The following PDE4B variants were observed in gnomAD, a reference collection of about 807,000 sequenced individuals.
The protein encoded by PDE4B is 3',5'-cyclic-AMP phosphodiesterase 4B.
Under a neutral mutation model 82.2 loss-of-function variants are expected in PDE4B, and 20 were observed. That is an observed-to-expected ratio of 0.24 (90% confidence interval 0.17 to 0.35). The LOEUF (loss-of-function observed/expected upper bound fraction) is 0.35, where lower values mean the gene tolerates loss of function less well. PDE4B is among the 10% of genes least tolerant of loss of function. The pLI, the probability that PDE4B is intolerant of heterozygous loss-of-function variation, is 1.00. For missense variants in PDE4B, 655 were observed against 907.2 expected, an observed-to-expected ratio of 0.72 and a Z score of 3.57; for synonymous variants, 320 against 318.9, an observed-to-expected ratio of 1.00 and a Z score of -0.04.
chr1:65,958,861 A>T (rs1649403651), intron 3 of PDE4B, among the ~76,000 whole-genome samples: 1 of 152,134 alleles, frequency 6.6e-6, no homozygotes, highest in South Asian at 2.1e-4. Flanking sequence ...GCAGTTTTGT[A>T]TCTGTAGTTA....
At chr1:66,359,861 A>G (rs1662609968) in intron 9 of PDE4B, among the ~76,000 whole-genome samples, 1 of 152,230 alleles carries the variant, frequency 6.6e-6, no homozygotes, top group South Asian at 2.1e-4. Context: ...CAGGAAAAAG[A>G]TTTTTGACAG....
At chr1:66,263,380 A>G (rs1165952636) in intron 6 of PDE4B, among the ~76,000 whole-genome samples, 1 of 152,254 alleles carries the variant, frequency 6.6e-6, no homozygotes, top group Admixed American at 6.5e-5. Context: ...GCAACAAAAG[A>G]GAGTGCTGTG....
chr1:66,067,565 T>C (rs1454604888), intron 3 of PDE4B, among the ~76,000 whole-genome samples: 2 of 152,104 alleles, frequency 1.3e-5, no homozygotes, highest in African/African-American at 4.8e-5. Context: ...TTTGTTTGAG[T>C]TCATTGTAGA....
intron 1 of PDE4B, among the ~76,000 whole-genome samples, chr1:65,798,382 C>T (rs1195564222): frequency 1.1e-5 from 1 of 87,756 alleles, no homozygotes; most frequent in Non-Finnish European, 1.9e-5. Context: ...CCTCAGCCTC[C>T]CGAGTAGCTG....
chr1:65,874,485 T>C (rs1646614641), intron 1 of PDE4B, among the ~76,000 whole-genome samples: 1 of 152,168 alleles, frequency 6.6e-6, no homozygotes, highest in Admixed American at 6.5e-5. Flanking sequence ...AGGGCATCCC[T>C]GTCTTGTGCC....
At chr1:66,236,660 T>C (rs1652483188) in intron 3 of PDE4B, among the ~76,000 whole-genome samples, 1 of 152,130 alleles carries the variant, frequency 6.6e-6, no homozygotes, top group Non-Finnish European at 1.5e-5. Flanking sequence ...TCATGCAAAA[T>C]ACAAAACGAT....
intron 3 of PDE4B, among the ~76,000 whole-genome samples, chr1:66,097,738 A>T (rs1177172470): frequency 6.6e-6 from 1 of 151,838 alleles, no homozygotes; most frequent in African/African-American, 2.4e-5. Context: ...CTTGTCTACA[A>T]ATTCTATTAT....
At chr1:66,235,735 G>A (rs1652357842) in intron 3 of PDE4B, among the ~76,000 whole-genome samples, 1 of 152,020 alleles carries the variant, frequency 6.6e-6, no homozygotes, top group African/African-American at 2.4e-5. Flanking sequence ...CTACCATGTT[G>A]CTATTTGTTT....
At chr1:66,243,675 G>T (rs572306143) in intron 3 of PDE4B, among the ~76,000 whole-genome samples, 151 of 152,254 alleles carry the variant, frequency 9.9e-4, no homozygotes, top group African/African-American at 3.4e-3. Flanking sequence ...GTTATGGGAA[G>T]CACCACTTCT....
chr1:65,835,268 G>C (rs1328320528), intron 1 of PDE4B, among the ~76,000 whole-genome samples: 1 of 152,100 alleles, frequency 6.6e-6, no homozygotes, highest in African/African-American at 2.4e-5. Context: ...TCTTCAGTTT[G>C]TGTATAGAAA....
At chr1:66,326,304 A>G (rs537444303) in intron 7 of PDE4B, among the ~76,000 whole-genome samples, 1 of 152,314 alleles carries the variant, frequency 6.6e-6, no homozygotes. Context: ...TAAAGTGAAC[A>G]TACCTATGTA....
At chr1:66,159,604 G>T (rs1646569873) in intron 3 of PDE4B, among the ~76,000 whole-genome samples, 1 of 152,134 alleles carries the variant, frequency 6.6e-6, no homozygotes, top group Non-Finnish European at 1.5e-5. Flanking sequence ...CAGACAATCT[G>T]TTTGTAAAGT....
At chr1:66,099,748 A>G (rs1277545931) in intron 3 of PDE4B, among the ~76,000 whole-genome samples, 1 of 152,150 alleles carries the variant, frequency 6.6e-6, no homozygotes, top group Non-Finnish European at 1.5e-5. Context: ...CCTACAATAT[A>G]TAAAATGTTG....
At chr1:65,883,539 ATT>A (rs1557796360) in intron 1 of PDE4B, among the ~76,000 whole-genome samples, 1 of 152,130 alleles carries the variant, frequency 6.6e-6, no homozygotes, top group Non-Finnish European at 1.5e-5. Flanking sequence ...TTGCTTATCA[ATT>A]TAAGGAGATT....
At chr1:65,941,488 C>T (rs961124327) in intron 3 of PDE4B, among the ~76,000 whole-genome samples, 2 of 151,918 alleles carry the variant, frequency 1.3e-5, no homozygotes, top group Admixed American at 6.6e-5. Context: ...GATGCCTTGA[C>T]GTGGCACCAG....
At chr1:66,285,302 G>A (rs925590103) in intron 7 of PDE4B, among the ~76,000 whole-genome samples, 2 of 152,072 alleles carry the variant, frequency 1.3e-5, no homozygotes, top group African/African-American at 4.8e-5. Context: ...CCACAAAGTC[G>A]AACACAAATG....
intron 3 of PDE4B, chr1:65,993,150 A>G: frequency 6.2e-7 from 1 of 1,607,024 alleles, no homozygotes; most frequent in Non-Finnish European, 8.5e-7. Context: ...ATGGTAAGAT[A>G]AGACTTGGAG....
At chr1:65,846,298 CT>C (rs1311799499) in intron 1 of PDE4B, among the ~76,000 whole-genome samples, 1 of 152,142 alleles carries the variant, frequency 6.6e-6, no homozygotes, top group Non-Finnish European at 1.5e-5. Context: ...TTCCCAACCC[CT>C]TTGGGGGCTG....
chr1:66,131,731 A>G (rs1478806283), intron 3 of PDE4B, among the ~76,000 whole-genome samples: 6 of 150,184 alleles, frequency 4.0e-5, no homozygotes, highest in East Asian at 4.0e-4. Flanking sequence ...CGAACCTACT[A>G]TGTACCAGAC....
Sources: gnomAD v4.1 joint callset for allele counts (sites outside exome capture counted in the v4.1 genomes callset) on GRCh38, gnomAD v4.1.1 for gene constraint, MANE v1.5 for transcripts, NCBI Gene and HGNC (gene_info 2026-07-23, HGNC 2026-07-21) for gene names.